MEAK7: variants seen among roughly 807,000 people sequenced by gnomAD.
MEAK7 encodes MTOR-associated protein MEAK7.
Under a neutral mutation model 40.5 loss-of-function variants are expected in MEAK7, and 68 were observed. The ratio of observed to expected loss-of-function variants is 1.68; its 90% CI spans 1.38 to 2.06. MEAK7 has a LOEUF of 2.06. MEAK7 is among the 30% of genes most tolerant of loss of function. The probability of loss-of-function intolerance (pLI) is 0.00; values close to 1 mark genes in which losing one functional copy is unlikely to be tolerated. For missense variants in MEAK7, 918 were observed against 580.5 expected (o/e 1.58, Z -5.98); for synonymous variants, 338 against 231.9 (o/e 1.46, Z -4.16).
intron 2 of MEAK7, among the ~76,000 whole-genome samples, chr16:84,496,913 CAT>C (rs1200862421): frequency 5.9e-5 from 9 of 152,336 alleles, no homozygotes; most frequent in Middle Eastern, 3.4e-3. Flanking sequence ...ACACATGTAA[CAT>C]ATGTCTGTGT....
intron 5 of MEAK7, among the ~76,000 whole-genome samples, chr16:84,485,309 C>G (rs1255670298): frequency 3.3e-5 from 5 of 152,206 alleles, no homozygotes; most frequent in East Asian, 3.8e-4. Flanking sequence ...ATCCTGAAAC[C>G]TAGATATAAA....
At chr16:84,481,970 C>G (rs1187008547) in intron 6 of MEAK7, among the ~76,000 whole-genome samples, 7 of 152,112 alleles carry the variant, frequency 4.6e-5, no homozygotes, top group Non-Finnish European at 1.0e-4. Flanking sequence ...TTCTGTCAAG[C>G]AGCAGAGGAA....
At chr16:84,487,308 G>A (rs1057193917) in intron 4 of MEAK7, 4 of 470,124 alleles carry the variant, frequency 8.5e-6, no homozygotes, top group African/African-American at 5.9e-5. Flanking sequence ...TTGTATTTAG[G>A]ACATATTATT....
At chr16:84,495,940 G>T (rs747940754) in intron 2 of MEAK7, 27 bp from the exon 3 acceptor site, 1 of 1,610,142 alleles carries the variant, frequency 6.2e-7, no homozygotes, top group Non-Finnish European at 8.5e-7. Context: ...GAAAAATATG[G>T]TTAGACAGTG....
At chr16:84,497,831 A>G (rs1914178018) in intron 2 of MEAK7, 103 bp downstream of exon 2, 1 of 1,525,454 alleles carries the variant, frequency 6.6e-7, no homozygotes, top group East Asian at 2.2e-5. Flanking sequence ...CAGTGTTGCC[A>G]TCCATCCCAT....
At chr16:84,499,619 A>G (rs1403343277) in intron 1 of MEAK7, among the ~76,000 whole-genome samples, 2 of 152,152 alleles carry the variant, frequency 1.3e-5, no homozygotes, top group Non-Finnish European at 2.9e-5. Flanking sequence ...AAACATGTTC[A>G]TCACCCTCGG....
At chr16:84,495,226 G>A (rs565543007) in intron 3 of MEAK7, among the ~76,000 whole-genome samples, 26 of 152,140 alleles carry the variant, frequency 1.7e-4, no homozygotes, top group Non-Finnish European at 2.9e-4. Context: ...TCAAGATCGC[G>A]CCACTCAACT....
At chr16:84,486,387 C>A (rs1240692059) in intron 5 of MEAK7, 1 of 1,254,378 alleles carries the variant, frequency 8.0e-7, no homozygotes, top group Non-Finnish European at 1.0e-6. Flanking sequence ...ATAGACCCGG[C>A]ACCGTGTAAT....
At chr16:84,502,423 G>A (rs1278650681) in intron 1 of MEAK7, among the ~76,000 whole-genome samples, 1 of 152,112 alleles carries the variant, frequency 6.6e-6, no homozygotes, top group Non-Finnish European at 1.5e-5. Flanking sequence ...AGAAAACCTG[G>A]CTTCTGAGGA....
At position 84,479,971 on chromosome 16, in the gene MEAK7, T is replaced by C. The variant is rs185363191; in HGVS notation, c.1313A>G (p.Glu438Gly). Residue 438 changes from glutamate (E) to glycine (G), a missense_variant, in exon 8 of 8, where the codon GAG becomes GGG. Glu to Gly is a moderately conservative substitution (Grantham distance 98). Transcript: ENST00000343629. ...DADPEAQALLEISGHSRHSEG... is the reference protein window; with the variant it reads ...DADPEAQALLGISGHSRHSEG... ...GCTGTGGCGCGAATGCCCACTGATC[T>C]CCAGCAGGGCCTGGGCCTCAGGGTC... 4.4e-5 allele frequency: 71 copies of C among 1,609,670 alleles called. No individual in the cohort carries two copies. In the East Asian group the frequency reaches 9.6e-4, roughly 22 times the overall value.
At chr16:84,497,466 G>T (rs367802787) in intron 2 of MEAK7, 2 of 1,289,822 alleles carry the variant, frequency 1.6e-6, no homozygotes, top group South Asian at 2.5e-5. Context: ...TTCCTGGACC[G>T]ACGAGTCCAG....
At chr16:84,504,384 C>G (rs1002455367) in intron 1 of MEAK7, among the ~76,000 whole-genome samples, 3 of 152,184 alleles carry the variant, frequency 2.0e-5, no homozygotes, top group Non-Finnish European at 4.4e-5. Context: ...TGATCCCCCC[C>G]AGGAGACCCT....
chr16:84,496,840 T>A (rs1330180270), intron 2 of MEAK7, among the ~76,000 whole-genome samples: 2 of 152,210 alleles, frequency 1.3e-5, no homozygotes, highest in African/African-American at 4.8e-5. Context: ...AGCTTCACTC[T>A]ACTTTGAACA....
intron 5 of MEAK7, 102 bp downstream of exon 5, chr16:84,486,529 G>A (rs937394280): frequency 2.0e-6 from 3 of 1,481,986 alleles, no homozygotes; most frequent in East Asian, 4.6e-5. Context: ...AACACTTGGA[G>A]AAGATGGGAG....
chr16:84,504,250 C>G (rs922693805), intron 1 of MEAK7: 1 of 745,500 alleles, frequency 1.3e-6, no homozygotes, highest in African/African-American at 1.9e-5. Context: ...GGAGGCACCC[C>G]TCCCTTTCCG....
At chr16:84,501,659 G>T (rs564417127) in intron 1 of MEAK7, among the ~76,000 whole-genome samples, 2 of 152,132 alleles carry the variant, frequency 1.3e-5, no homozygotes, top group Non-Finnish European at 2.9e-5. Flanking sequence ...GCAGGAGAGA[G>T]GAGGTTGCAT....
chr16:84,497,699 T>C, intron 2 of MEAK7: 2 of 1,460,144 alleles, frequency 1.4e-6, no homozygotes, highest in Non-Finnish European at 1.8e-6. Context: ...GGGATGCGTT[T>C]AGACACTGTC....
intron 4 of MEAK7, 177 bp from the exon 5 acceptor site, chr16:84,487,236 G>T (rs1377058779): frequency 1.5e-5 from 8 of 529,084 alleles, no homozygotes; most frequent in Admixed American, 7.4e-5. Context: ...TGATTTCAAA[G>T]ATTTGGTATG....
chr16:84,482,528 G>A (rs1415941488), intron 6 of MEAK7, 64 bp downstream of exon 6: 22 of 1,611,880 alleles, frequency 1.4e-5, no homozygotes, highest in African/African-American at 8.0e-5. Flanking sequence ...GCTGAGCCTC[G>A]GGGTTGACAC....
Sources: gnomAD v4.1 joint callset for allele counts (sites outside exome capture counted in the v4.1 genomes callset) on GRCh38, gnomAD v4.1.1 for gene constraint, MANE v1.5 for transcripts, NCBI Gene and HGNC (gene_info 2026-07-23, HGNC 2026-07-21) for gene names.